Variants in IL12RB2 observed in about 807,000 individuals in gnomAD.
IL12RB2 encodes the protein interleukin 12 receptor subunit beta 2.
In IL12RB2, 82 loss-of-function variants were observed where a neutral mutation model predicts 89.4. That is an observed-to-expected ratio of 0.92 (90% CI 0.77 to 1.10). The LOEUF (loss-of-function observed/expected upper bound fraction) is 1.10, where lower values mean the gene tolerates loss of function less well. IL12RB2 is among the 50% of genes least tolerant of loss of function. The pLI is 0.00. For synonymous variants in IL12RB2, 368 were observed against 370.1 expected (o/e 0.99, Z 0.07); for missense variants, 963 against 1,031.9 (o/e 0.93, Z 0.92).
chr1:67,326,970 T>C (rs1657405979), intron 5 of IL12RB2, 121 bp downstream of exon 5: 2 of 826,206 alleles, frequency 2.4e-6, no homozygotes, highest in East Asian at 8.1e-5. Flanking sequence ...TTTATTTATT[T>C]ATTTATTTTG....
intron 9 of IL12RB2, among the ~76,000 whole-genome samples, chr1:67,341,543 G>GAAA (rs879906339): frequency 0.18 from 8,823 of 47,880 alleles, 351 homozygotes; most frequent in East Asian, 0.39. Context: ...AAGAAAGAAA[G>GAAA]AAAGAAAGAA....
At chr1:67,318,563 A>G (rs1569724413) in intron 2 of IL12RB2, among the ~76,000 whole-genome samples, 1 of 152,182 alleles carries the variant, frequency 6.6e-6, no homozygotes, top group East Asian at 1.9e-4. Context: ...GGGACTAGAG[A>G]TGGTTTAGCT....
Position 67,386,640 on chromosome 1 carries a change from C to T in IL12RB2, c.1917C>T (p.Gly639=). The T allele has an allele frequency of 6.2e-7, 1 of 1,612,964 alleles. No individual in the cohort carries two copies. Among genetic ancestry groups the T allele is most frequent in the Non-Finnish European group, 8.5e-7 (1 of 1,179,118 alleles). The change falls in exon 15 of 17, where the codon GGC becomes GGT. Residue 639 remains glycine (G), a synonymous_variant. Coordinates refer to ENST00000674203, the MANE Select transcript of IL12RB2 (RefSeq NM_001374259.2). ...PSICIAIIMV[G]IFSTHYFQQK... ...TTTGCATTGCTATCATCATGGTGGG[C>T]ATTTTCTCAACGCATTACTTCCAGC...
At chr1:67,383,315 G>A (rs896511698) in intron 14 of IL12RB2, among the ~76,000 whole-genome samples, 5 of 152,158 alleles carry the variant, frequency 3.3e-5, no homozygotes, top group African/African-American at 1.2e-4. Flanking sequence ...CACACCACAT[G>A]TGGGGATCAT....
chr1:67,322,118 A>G (rs1456338729), intron 4 of IL12RB2, among the ~76,000 whole-genome samples: 1 of 152,030 alleles, frequency 6.6e-6, no homozygotes, highest in Non-Finnish European at 1.5e-5. Context: ...AAAACCATTT[A>G]TCTGTTGTCC....
intron 8 of IL12RB2, among the ~76,000 whole-genome samples, chr1:67,335,270 T>C (rs4655701): frequency 0.47 from 72,150 of 151,998 alleles, 19,895 homozygotes; most frequent in Non-Finnish European, 0.6. Context: ...ACTGGAGAGA[T>C]GTCTTTGATA....
intron 8 of IL12RB2, among the ~76,000 whole-genome samples, chr1:67,332,918 T>C (rs183165312): frequency 6.6e-6 from 1 of 152,310 alleles, no homozygotes; most frequent in East Asian, 1.9e-4. Context: ...TTAAAAAGTG[T>C]TTGTCTTTTG....
intron 10 of IL12RB2, among the ~76,000 whole-genome samples, chr1:67,366,691 C>T (rs1662714101): frequency 6.6e-6 from 1 of 152,090 alleles, no homozygotes; most frequent in African/African-American, 2.4e-5. Context: ...TCAAGCAATT[C>T]TATGCATATA....
intron 11 of IL12RB2, among the ~76,000 whole-genome samples, chr1:67,372,082 G>C (rs74083607): frequency 2.3e-5 from 2 of 88,616 alleles, no homozygotes; most frequent in East Asian, 3.1e-4. Flanking sequence ...GTGTGTCTGT[G>C]TGTGTGTGTG....
intron 13 of IL12RB2, among the ~76,000 whole-genome samples, chr1:67,374,875 G>A (rs574268754): frequency 8.3e-5 from 12 of 143,880 alleles, no homozygotes; most frequent in African/African-American, 2.6e-4. Flanking sequence ...TGCTCTTATG[G>A]ATGTTGAAGA....
At chr1:67,322,436 CAAAAAAA>C (rs56249028) in intron 4 of IL12RB2, among the ~76,000 whole-genome samples, 7,854 of 127,160 alleles carry the variant, frequency 0.062, 760 homozygotes, top group African/African-American at 0.22. Context: ...CTGACTCCAG[CAAAAAAA>C]AAAAAAAAAA....
chr1:67,331,012 T>G (rs1485452024), intron 8 of IL12RB2, among the ~76,000 whole-genome samples: 2 of 152,344 alleles, frequency 1.3e-5, no homozygotes, highest in East Asian at 3.9e-4. Context: ...GCAAGGAAAT[T>G]TTTAACATTG....
intron 4 of IL12RB2, 46 bp from the exon 5 acceptor site, chr1:67,326,689 A>T: frequency 6.2e-7 from 1 of 1,603,938 alleles, no homozygotes; most frequent in Non-Finnish European, 8.5e-7. Flanking sequence ...ATTCGGTTGA[A>T]ATATCACCTG....
rs1657972367 is a variant in IL12RB2 at position 67,330,767 on chromosome 1, G to C, written c.915G>C (p.Trp305Cys). 6.4e-7 allele frequency: 1 copy of C among 1,565,908 alleles called. No homozygotes were observed. The highest frequency in any genetic ancestry group is 1.7e-5 in the Admixed American group (1 of 59,926). ...SSKLHLYKGS[W>C]SDWSESLRAQ... ...AGCTACATCTTTATAAGGGAAGTTG[G>C]AGTGATTGGAGTGAATCATTGAGAG... The change falls in exon 8 of 17, where the codon TGG becomes TGC. Residue 305 changes from tryptophan (W) to cysteine (C), a missense_variant. Coordinates refer to ENST00000674203, the MANE Select transcript of IL12RB2 (RefSeq NM_001374259.2).
At chr1:67,345,219 T>C (rs1660083767) in intron 9 of IL12RB2, among the ~76,000 whole-genome samples, 1 of 152,200 alleles carries the variant, frequency 6.6e-6, no homozygotes, top group South Asian at 2.1e-4. Context: ...GGGGAAAAGA[T>C]TTAGTGTTTT....
chr1:67,339,486 CAAAAAAAA>C lies in IL12RB2; in HGVS notation c.1038+792_1038+799del, dbSNP rs200086991. 2.3e-3 allele frequency among the ~76,000 whole-genome samples: 179 copies of C among 77,374 alleles called. 1 individual carries two copies. The highest frequency in any genetic ancestry group is 8.3e-3 in the African/African-American group (172 of 20,820). The allele number at this position is 77,374 out of a possible 152,430, so 50.8% of individuals were successfully genotyped here. On this transcript the variant is annotated intron_variant, in intron 9 of 16. Coordinates refer to ENST00000674203, the MANE Select transcript of IL12RB2 (RefSeq NM_001374259.2). The stretch of plus-strand genomic sequence containing the variant: ...TGGGTGACAGAGTGAGACTACGTTT[CAAAAAAAA>C]AAAAAAAAGAAAATCATACAAACAG...
Position 67,395,947 on chromosome 1 carries a change from C to T in IL12RB2, c.2447C>T (p.Ala816Val). The change falls in exon 17 of 17, where the codon GCT becomes GTT. Residue 816 changes from alanine (A) to valine (V), a missense_variant. By Grantham distance (64) the Ala-to-Val change is moderately conservative. Transcript: ENST00000674203. Reference protein sequence around the residue: ...DDLPSHEAPLADSLEELEPQH... With the variant: ...DDLPSHEAPLVDSLEELEPQH... ...CTCCCCTCACATGAGGCACCTCTCG[C>T]TGACTCTCTGGAAGAACTGGAGCCT... The T allele has an allele frequency of 1.2e-6, 2 of 1,611,670 alleles. No individual in the cohort carries two copies. Among genetic ancestry groups the T allele is most frequent in the South Asian group, 1.1e-5 (1 of 91,060 alleles).
rs190484445 is a variant in IL12RB2, at chr1:67,390,249, C to G, written c.2046+121C>G. 6.4e-4 allele frequency: 440 copies of G among 692,062 alleles called. 4 individuals are homozygous for G. In the African/African-American group the frequency reaches 7.0e-3, roughly 11 times the overall value. 42.9% of individuals were successfully genotyped at this position (692,062 alleles called of 1,614,324 possible). On this transcript the variant is annotated intron_variant, in intron 16 of 16. Coordinates refer to ENST00000674203, the MANE Select transcript of IL12RB2 (RefSeq NM_001374259.2). ...ATCCTATGGTTGAGCTTAAGTTATTCACGCTTGGCTACCACTGAGTCATCA... is the reference window on the plus strand; with the variant it reads ...ATCCTATGGTTGAGCTTAAGTTATTGACGCTTGGCTACCACTGAGTCATCA...
intron 3 of IL12RB2, among the ~76,000 whole-genome samples, chr1:67,320,887 C>T (rs1216231592): frequency 6.7e-6 from 1 of 149,968 alleles, no homozygotes; most frequent in East Asian, 2.0e-4. Context: ...TATCCCTCCC[C>T]CAGCCCCCAC....
Sources: gnomAD v4.1 joint callset for allele counts (sites outside exome capture counted in the v4.1 genomes callset) on GRCh38, gnomAD v4.1.1 for gene constraint, MANE v1.5 for transcripts, NCBI Gene and HGNC (gene_info 2026-07-23, HGNC 2026-07-21) for gene names.